The following HIVEP3 variants were observed in gnomAD, a reference collection of about 807,000 sequenced individuals.
HIVEP3 encodes transcription factor HIVEP3.
Under a neutral mutation model 152.8 loss-of-function variants are expected in HIVEP3, and 49 were observed. The observed-to-expected ratio is 0.32, with a 90% CI of 0.26 to 0.41. The LOEUF is 0.41. Ranked by LOEUF, HIVEP3 falls within the 10% of genes least tolerant of loss-of-function variation. The pLI is 1.00. For synonymous variants in HIVEP3, 1,269 were observed against 1,289.0 expected (o/e 0.98, Z 0.33); for missense variants, 2,790 against 3,103.3 (o/e 0.90, Z 2.40).
At chr1:41,621,764 T>C (rs546193094) in intron 3 of HIVEP3, among the ~76,000 whole-genome samples, 3 of 152,324 alleles carry the variant, frequency 2.0e-5, no homozygotes, top group East Asian at 3.9e-4. Flanking sequence ...GTGATCCTCC[T>C]GCCTCAGCCT....
rs1401487404 is a variant in HIVEP3 at position 41,699,835 on chromosome 1, C to G, written c.-721+1081G>C. ...CACCCTCCCACACCCCGGTAGGGGC[C>G]TCTCTCAGAACCACAGGGCTGACTG... On this transcript the variant is annotated intron_variant, in intron 2 of 8. Coordinates refer to ENST00000372583, the MANE Select transcript of HIVEP3 (RefSeq NM_024503.5). 2.6e-5 allele frequency among the ~76,000 whole-genome samples: 4 copies of G among 152,096 alleles called. No individual in the cohort carries two copies. The South Asian group carries it at 6.2e-4, about 24-fold the overall frequency.
chr1:41,724,378 T>C (rs555346159), intron 1 of HIVEP3, among the ~76,000 whole-genome samples: 1 of 152,322 alleles, frequency 6.6e-6, no homozygotes, highest in African/African-American at 2.4e-5. Flanking sequence ...TCATATGGAA[T>C]GCCTAGGGCT....
intron 1 of HIVEP3, among the ~76,000 whole-genome samples, chr1:41,704,762 A>T (rs77576806): frequency 0.016 from 2,472 of 152,326 alleles, 70 homozygotes; most frequent in African/African-American, 0.057. Flanking sequence ...ATATCCTTGT[A>T]CACTAGACCC....
At chr1:41,803,494 T>A (rs192188898) in intron 1 of HIVEP3, among the ~76,000 whole-genome samples, 1 of 152,184 alleles carries the variant, frequency 6.6e-6, no homozygotes, top group African/African-American at 2.4e-5. Context: ...GGCCCTGACA[T>A]GTCTGCAAAG....
chr1:41,932,928 CAT>C (rs1645002559), intron 1 of HIVEP3, among the ~76,000 whole-genome samples: 1 of 151,918 alleles, frequency 6.6e-6, no homozygotes, highest in Non-Finnish European at 1.5e-5. Context: ...CTTCCTCTGA[CAT>C]ATGGTTTATT....
intron 5 of HIVEP3, among the ~76,000 whole-genome samples, chr1:41,559,925 G>A (rs144492932): frequency 2.0e-5 from 3 of 152,336 alleles, no homozygotes; most frequent in East Asian, 1.9e-4. Flanking sequence ...TCACAGTACT[G>A]TTATCTCCAT....
chr1:41,531,109 G>T (rs1643232205), intron 5 of HIVEP3, among the ~76,000 whole-genome samples: 1 of 147,780 alleles, frequency 6.8e-6, no homozygotes, highest in East Asian at 2.1e-4. Flanking sequence ...TGGGAGAGAA[G>T]GGAGGACAGG....
At chr1:41,896,544 C>T (rs747302387) in intron 1 of HIVEP3, among the ~76,000 whole-genome samples, 9 of 151,928 alleles carry the variant, frequency 5.9e-5, no homozygotes, top group Non-Finnish European at 1.2e-4. Flanking sequence ...CTTGTAATCC[C>T]ACTCAAAAAG....
intron 1 of HIVEP3, among the ~76,000 whole-genome samples, chr1:42,000,432 G>A (rs1645420851): frequency 6.6e-6 from 1 of 152,174 alleles, no homozygotes; most frequent in South Asian, 2.1e-4. Flanking sequence ...CATGTGCAAG[G>A]GCAGGAGGAG....
At chr1:41,548,663 G>C (rs1372709246) in intron 5 of HIVEP3, among the ~76,000 whole-genome samples, 1 of 151,976 alleles carries the variant, frequency 6.6e-6, no homozygotes, top group Non-Finnish European at 1.5e-5. Context: ...AGCCTCCTGG[G>C]TAGCTGGTAT....
intron 2 of HIVEP3, among the ~76,000 whole-genome samples, chr1:41,641,173 C>T (rs1358410146): frequency 6.6e-6 from 1 of 152,250 alleles, no homozygotes; most frequent in East Asian, 1.9e-4. Context: ...GCAACTTATT[C>T]ACAGCAAAGC....
At chr1:41,681,130 A>G (rs1646032262) in intron 2 of HIVEP3, among the ~76,000 whole-genome samples, 2 of 148,440 alleles carry the variant, frequency 1.3e-5, no homozygotes, top group African/African-American at 4.9e-5. Context: ...GTATAGACAG[A>G]GACTGTCTGC....
intron 1 of HIVEP3, among the ~76,000 whole-genome samples, chr1:41,802,340 C>T (rs760614858): frequency 3.3e-5 from 5 of 151,936 alleles, no homozygotes; most frequent in East Asian, 1.9e-4. Flanking sequence ...CTCAGCCTCC[C>T]GAGTAGTTGG....
chr1:41,825,204 T>C (rs1642763144), intron 1 of HIVEP3, among the ~76,000 whole-genome samples: 1 of 152,098 alleles, frequency 6.6e-6, no homozygotes, highest in African/African-American at 2.4e-5. Context: ...GGTAGGGGGA[T>C]GGAAGTTACA....
intron 1 of HIVEP3, among the ~76,000 whole-genome samples, chr1:41,929,430 A>C (rs1396458007): frequency 6.6e-6 from 1 of 151,622 alleles, no homozygotes; most frequent in Non-Finnish European, 1.5e-5. Context: ...GCACTTTCTT[A>C]CTTTCTAGCA....
At chr1:41,872,369 A>G (rs1204724270) in intron 1 of HIVEP3, among the ~76,000 whole-genome samples, 9 of 152,250 alleles carry the variant, frequency 5.9e-5, no homozygotes, top group African/African-American at 2.2e-4. Context: ...AAATGGTTGA[A>G]GTATGGCCAC....
At chr1:41,513,842 C>A in intron 7 of HIVEP3, 92 bp from the exon 8 acceptor site, 1 of 1,142,944 alleles carries the variant, frequency 8.7e-7, no homozygotes, top group Non-Finnish European at 1.2e-6. Flanking sequence ...GTTTCCTTGC[C>A]TGCTGACTGG....
At chr1:41,997,440 T>C (rs1645402390) in intron 1 of HIVEP3, among the ~76,000 whole-genome samples, 1 of 152,224 alleles carries the variant, frequency 6.6e-6, no homozygotes, top group Non-Finnish European at 1.5e-5. Flanking sequence ...GGGCAAAAGA[T>C]ACGCCATGCA....
chr1:41,747,436 AG>A (rs1199084811), intron 1 of HIVEP3, among the ~76,000 whole-genome samples: 1 of 152,212 alleles, frequency 6.6e-6, no homozygotes, highest in African/African-American at 2.4e-5. Context: ...CATTTCTGGC[AG>A]GGGGATGAGG....
Sources: gnomAD v4.1 joint callset for allele counts (sites outside exome capture counted in the v4.1 genomes callset) on GRCh38, gnomAD v4.1.1 for gene constraint, MANE v1.5 for transcripts, NCBI Gene and HGNC (gene_info 2026-07-23, HGNC 2026-07-21) for gene names.